CASD1: variants seen among roughly 807,000 people sequenced by gnomAD.
CASD1 encodes N-acetylneuraminate (7)9-O-acetyltransferase.
A neutral mutation model predicts 100.0 loss-of-function variants in CASD1; 41 were observed. The observed-to-expected ratio is 0.41, with a 90% CI of 0.32 to 0.53. The LOEUF (loss-of-function observed/expected upper bound fraction) is 0.53. CASD1 is among the 20% of genes least tolerant of loss of function. CASD1 has a pLI of 0.25. For missense variants in CASD1, 774 were observed against 948.7 expected (o/e 0.82, Z 2.42); for synonymous variants, 321 against 315.6 (o/e 1.02, Z -0.18).
the CASD1 span, chr7:94,620,756 T>A: frequency 2.6e-5 from 4 of 152,262 alleles, no homozygotes; most frequent in African/African-American, 9.6e-5. Flanking sequence ...TGACCCAGCT[T>A]CATGGCTCCT....
At chr7:94,517,706 T>C in intron 2 of CASD1, 50 bp downstream of exon 2, 2 of 1,117,116 alleles carry the variant, frequency 1.8e-6, no homozygotes, top group Non-Finnish European at 2.7e-6. Context: ...GGTCTTAATA[T>C]GTAGTGGAGA....
the CASD1 span, among the ~76,000 whole-genome samples, chr7:94,564,340 A>C: frequency 6.6e-6 from 1 of 152,336 alleles, no homozygotes; most frequent in African/African-American, 2.4e-5. Flanking sequence ...CTAATGAATT[A>C]AAGTGATATG....
At chr7:94,552,134 A>G (rs1795979901) in intron 15 of CASD1, 1 of 488,974 alleles carries the variant, frequency 2.0e-6, no homozygotes, top group Non-Finnish European at 3.5e-6. Context: ...AAAAGCACAG[A>G]CTTGTGCACC....
intron 15 of CASD1, chr7:94,551,786 T>C (rs915520286): frequency 5.8e-5 from 9 of 156,122 alleles, no homozygotes; most frequent in African/African-American, 1.9e-4. Flanking sequence ...ACTATATTTT[T>C]ATCTATAAAA....
At chr7:94,618,419 CCTT>C in the CASD1 span, 1 of 224,516 alleles carries the variant, frequency 4.5e-6, no homozygotes, top group South Asian at 7.9e-5. Context: ...GTCTGTGCAT[CCTT>C]CTGCAGCTAA....
chr7:94,633,073 A>G, the CASD1 span, among the ~76,000 whole-genome samples: 3 of 152,088 alleles, frequency 2.0e-5, no homozygotes, highest in Non-Finnish European at 2.9e-5. Context: ...ACATGTGTAC[A>G]GTGCCATGCT....
intron 3 of CASD1, among the ~76,000 whole-genome samples, chr7:94,521,889 T>A (rs1794297682): frequency 6.6e-6 from 1 of 152,038 alleles, no homozygotes; most frequent in African/African-American, 2.4e-5. Context: ...ATCGAGACCA[T>A]CCTGGCTAAC....
At chr7:94,537,931 C>A in intron 9 of CASD1, 37 bp downstream of exon 9, 1 of 1,148,454 alleles carries the variant, frequency 8.7e-7, no homozygotes, top group Non-Finnish European at 1.3e-6. Flanking sequence ...TGTTACCCTT[C>A]TTGTCTCATT....
chr7:94,623,774 G>A, the CASD1 span: 1 of 387,190 alleles, frequency 2.6e-6, no homozygotes, highest in East Asian at 3.7e-5. Context: ...TTTAAATGGA[G>A]TTTAAGAATT....
chr7:94,510,129 C>G lies in CASD1; in HGVS notation c.45C>G (p.His15Gln). The change falls in exon 1 of 18, where the codon CAC becomes CAG. Residue 15 changes from histidine to glutamine, a missense_variant. This residue lies in a region of CASD1 where 75 missense variants were observed against 60.9 expected (regional missense o/e 1.23). Coordinates refer to ENST00000297273, the MANE Select transcript of CASD1 (RefSeq NM_022900.5). ...AYNLGKREINHYFSVRSAKVL... is the reference protein window; with the variant it reads ...AYNLGKREINQYFSVRSAKVL... The stretch of plus-strand genomic sequence containing the variant: ...ACCTGGGCAAGCGGGAGATCAACCA[C>G]TACTTCAGCGTGAGGAGCGCCAAGG... 1 of 1,530,460 alleles carries G rather than the reference C, an allele frequency of 6.5e-7. No individual in the cohort carries two copies. Among genetic ancestry groups the G allele is most frequent in the African/African-American group, 1.4e-5 (1 of 71,080 alleles). The allele number at this position is 1,530,460 out of a possible 1,614,324, so 94.8% of individuals were successfully genotyped here. A position where few individuals can be genotyped will look rare whatever the true frequency, so the allele number is the denominator to read the frequency against.
At chr7:94,549,472 A>C (rs1795840823) in intron 13 of CASD1, 61 bp from the exon 14 acceptor site, 1 of 1,161,126 alleles carries the variant, frequency 8.6e-7, no homozygotes, top group Non-Finnish European at 1.3e-6. Flanking sequence ...TCTGTAATAG[A>C]ATTGCAAAGC....
At chr7:94,526,193 A>G (rs188001439) in intron 3 of CASD1, among the ~76,000 whole-genome samples, 1 of 152,362 alleles carries the variant, frequency 6.6e-6, no homozygotes, top group African/African-American at 2.4e-5. Flanking sequence ...TTAACAAAAC[A>G]GAAGTTCTTG....
chr7:94,577,947 A>G, the CASD1 span, among the ~76,000 whole-genome samples: 2 of 152,172 alleles, frequency 1.3e-5, no homozygotes, highest in Admixed American at 6.5e-5. Context: ...GGGAGCTACC[A>G]AACAGCTGGT....
At chr7:94,543,772 A>G (rs1169515972) in intron 10 of CASD1, among the ~76,000 whole-genome samples, 1 of 152,180 alleles carries the variant, frequency 6.6e-6, no homozygotes, top group Non-Finnish European at 1.5e-5. Context: ...AATTAGTACT[A>G]GTAAATGAAA....
At chr7:94,544,598 G>GA (rs1385371572) in intron 11 of CASD1, 68 bp downstream of exon 11, 11 of 1,500,418 alleles carry the variant, frequency 7.3e-6, no homozygotes, top group Non-Finnish European at 9.9e-6. Context: ...ATTAACTTGA[G>GA]AAAAAAATAT....
chr7:94,549,006 A>G (rs1229766163), intron 13 of CASD1, among the ~76,000 whole-genome samples: 2 of 152,010 alleles, frequency 1.3e-5, no homozygotes, highest in Non-Finnish European at 2.9e-5. Flanking sequence ...GAGTAAGGTG[A>G]CTAATTCAGA....
intron 4 of CASD1, 66 bp downstream of exon 4, chr7:94,527,272 A>G (rs1299717311): frequency 9.0e-7 from 1 of 1,107,592 alleles, no homozygotes; most frequent in Non-Finnish European, 1.4e-6. Context: ...TTAATTGAAC[A>G]TACTAAGTAT....
At chr7:94,612,433 T>C in the CASD1 span, among the ~76,000 whole-genome samples, 1 of 152,208 alleles carries the variant, frequency 6.6e-6, no homozygotes, top group Admixed American at 6.5e-5. Flanking sequence ...TATAATTTTG[T>C]ATCCTGCTTT....
intron 13 of CASD1, among the ~76,000 whole-genome samples, chr7:94,547,882 A>G (rs768611316): frequency 2.4e-4 from 36 of 151,888 alleles, no homozygotes; most frequent in Non-Finnish European, 4.1e-4. Flanking sequence ...TGGCTGTATC[A>G]GGTGGAAGGA....
Sources: gnomAD v4.1 joint callset for allele counts (sites outside exome capture counted in the v4.1 genomes callset) on GRCh38, gnomAD v4.1.1 for gene constraint, gnomAD v4.1.1 regional missense constraint, MANE v1.5 for transcripts, NCBI Gene and HGNC (gene_info 2026-07-23, HGNC 2026-07-21) for gene names.